The following ARHGDIB variants were observed in gnomAD, a reference collection of about 807,000 sequenced individuals.
ARHGDIB encodes the protein rho GDP-dissociation inhibitor 2.
ARHGDIB carries 20 observed loss-of-function variants against 22.6 expected under a neutral mutation model. The ratio of observed to expected loss-of-function variants is 0.88; its 90% CI spans 0.62 to 1.28. The LOEUF (loss-of-function observed/expected upper bound fraction) is 1.28, where lower values mean the gene tolerates loss of function less well. ARHGDIB is among the 50% of genes most tolerant of loss of function. The pLI is 0.00. For synonymous variants in ARHGDIB, 114 were observed against 96.1 expected (o/e 1.19, Z -1.09); for missense variants, 254 against 245.4 (o/e 1.04, Z -0.23).
chr12:14,943,189 A>C (rs1194722279), intron 5 of ARHGDIB, among the ~76,000 whole-genome samples: 1 of 152,138 alleles, frequency 6.6e-6, no homozygotes, highest in Non-Finnish European at 1.5e-5. Context: ...TTTTAAAAAA[A>C]TTATTCTTTA....
At position 14,949,827 on chromosome 12, in the gene ARHGDIB, C is replaced by A. The variant is rs772715504; in HGVS notation, c.240G>T (p.Pro80=). Residue 80 remains proline (P), a synonymous_variant, in exon 3 of 6, where the codon CCG becomes CCT. Transcript: ENST00000228945. ...TRLTLVCESA[P]GPITMDLTGD... ...CAGTAAGGTCCATGGTGATTGGTCCCGGGGCACTCTCACAAACCAGGGTGA... is the reference window on the plus strand; with the variant it reads ...CAGTAAGGTCCATGGTGATTGGTCCAGGGGCACTCTCACAAACCAGGGTGA... 2 of 1,613,630 alleles carry A rather than the reference C, an allele frequency of 1.2e-6. No homozygotes were observed. Among genetic ancestry groups the A allele is most frequent in the East Asian group, 4.5e-5 (2 of 44,868 alleles).
chr12:14,954,705 A>G (rs969787372), intron 1 of ARHGDIB, among the ~76,000 whole-genome samples: 1 of 152,218 alleles, frequency 6.6e-6, no homozygotes, highest in East Asian at 1.9e-4. Flanking sequence ...ACCTGCAGTC[A>G]TGGGTCAGCT....
chr12:14,951,001 C>T (rs908086128), intron 1 of ARHGDIB: 24 of 238,134 alleles, frequency 1.0e-4, no homozygotes, highest in African/African-American at 4.1e-4. Context: ...ATGTGAATAA[C>T]GTACTACGAG....
At chr12:14,948,100 G>GCACGCACACA (rs1555103169) in intron 3 of ARHGDIB, 151 bp from the exon 4 acceptor site, 21 of 437,430 alleles carry the variant, frequency 4.8e-5, no homozygotes, top group Admixed American at 2.9e-4. Flanking sequence ...TTTAGTCCTT[G>GCACGCACACA]CACACACACA....
At chr12:14,949,666 A>T in intron 3 of ARHGDIB, 136 bp downstream of exon 3, 1 of 754,604 alleles carries the variant, frequency 1.3e-6, no homozygotes, top group South Asian at 1.5e-5. Flanking sequence ...CTCTAAGAGC[A>T]ATGATTTGTT....
rs757975041 is a variant in ARHGDIB at position 14,944,848 on chromosome 12, G to T, written c.343-9C>A. The stretch of plus-strand genomic sequence containing the variant: ...ACAATATCCCTGTTCACCTGCAGGT[G>T]GGAAGGAACCAAGATGTTCAGATTA... On this transcript the variant is annotated splice_polypyrimidine_tract_variant and intron_variant, in intron 4 of 5. Transcript: ENST00000228945. 4.3e-6 allele frequency: 7 copies of T among 1,612,376 alleles called. No individual in the cohort carries two copies. The Admixed American group carries it at 6.7e-5, about 15-fold the overall frequency.
Position 14,953,298 on chromosome 12 carries a change from T to C in ARHGDIB, c.-12-2574A>G, listed in dbSNP as rs557147439. 2.6e-5 allele frequency among the ~76,000 whole-genome samples: 4 copies of C among 152,276 alleles called. No homozygotes were observed. The East Asian group carries it at 7.7e-4, about 29-fold the overall frequency. On this transcript the variant is annotated intron_variant, in intron 1 of 5. Coordinates refer to ENST00000228945, the MANE Select transcript of ARHGDIB (RefSeq NM_001175.7). ...TTAATTATAGCATAAGAAAAAGAGA[T>C]ATGAGACCAGGTGATCCCAAACTAG...
At chr12:14,954,518 A>G (rs2430712) in intron 1 of ARHGDIB, among the ~76,000 whole-genome samples, 3,488 of 152,288 alleles carry the variant, frequency 0.023, 143 homozygotes, top group African/African-American at 0.079. Flanking sequence ...TCATTGAACT[A>G]GGCCTTGTTA....
chr12:14,960,052 G>A (rs1040460415), intron 1 of ARHGDIB, among the ~76,000 whole-genome samples: 1 of 152,194 alleles, frequency 6.6e-6, no homozygotes, highest in East Asian at 1.9e-4. Context: ...AGGTGCCATG[G>A]TCCTCTTGAT....
chr12:14,943,593 G>A (rs1175542716), intron 5 of ARHGDIB, among the ~76,000 whole-genome samples: 1 of 152,034 alleles, frequency 6.6e-6, no homozygotes, highest in Non-Finnish European at 1.5e-5. Context: ...ATATCAGTTG[G>A]GGGAGATAAA....
At position 14,950,582 on chromosome 12, in the gene ARHGDIB, C is replaced by T. The variant is rs1008601470; in HGVS notation, c.131G>A (p.Ser44Asn). The part of the protein sequence containing the change: ...ELQEMDKDDE[S>N]LIKYKKTLLG... ...CAGCGTTTTCTTGTACTTAATTAGA[C>T]TCTCATCATCTTTGTCCATTTCCTG... is the stretch of plus-strand genomic sequence containing the variant. The change falls in exon 2 of 6, where the codon AGT (serine) becomes AAT (asparagine). Residue 44 changes from serine (S) to asparagine (N), a missense_variant. Coordinates refer to ENST00000228945, the MANE Select transcript of ARHGDIB (RefSeq NM_001175.7). 15 of 1,613,966 alleles carry T rather than the reference C, an allele frequency of 9.3e-6. No homozygotes were observed. Among genetic ancestry groups the T allele is most frequent in the Non-Finnish European group, 1.3e-5 (15 of 1,179,914 alleles).
chr12:14,953,855 CTT>C (rs1864238310), intron 1 of ARHGDIB, among the ~76,000 whole-genome samples: 1 of 151,558 alleles, frequency 6.6e-6, no homozygotes, highest in Non-Finnish European at 1.5e-5. Flanking sequence ...CTTTCTCTCT[CTT>C]TCTCTCTTTC....
chr12:14,953,941 C>T (rs538634342), intron 1 of ARHGDIB, among the ~76,000 whole-genome samples: 1 of 147,868 alleles, frequency 6.8e-6, no homozygotes, highest in East Asian at 2.0e-4. Flanking sequence ...TTCCTTCCTT[C>T]CTTCCTTTCT....
At chr12:14,943,940 G>C (rs1052937405) in intron 5 of ARHGDIB, among the ~76,000 whole-genome samples, 1 of 152,196 alleles carries the variant, frequency 6.6e-6, no homozygotes, top group South Asian at 2.1e-4. Flanking sequence ...ACTAGGTATC[G>C]GAAAGGCCAA....
chr12:14,954,744 C>T (rs1864263220), intron 1 of ARHGDIB, among the ~76,000 whole-genome samples: 1 of 152,152 alleles, frequency 6.6e-6, no homozygotes, highest in Admixed American at 6.5e-5. Context: ...CTTATTTCAC[C>T]TGTGAATATG....
chr12:14,955,368 T>C (rs572042627), intron 1 of ARHGDIB, among the ~76,000 whole-genome samples: 1 of 152,330 alleles, frequency 6.6e-6, no homozygotes, highest in South Asian at 2.1e-4. Flanking sequence ...ATTCTAAAAA[T>C]GAGACATTCG....
chr12:14,952,598 G>A lies in ARHGDIB; in HGVS notation c.-12-1874C>T, dbSNP rs140094342. 6.6e-4 allele frequency among the ~76,000 whole-genome samples: 100 copies of A among 152,224 alleles called. 3 individuals are homozygous for A. The East Asian group carries it at 0.018, about 27-fold the overall frequency. On this transcript the variant is annotated intron_variant, in intron 1 of 5. Coordinates refer to ENST00000228945, the MANE Select transcript of ARHGDIB (RefSeq NM_001175.7). ...AACTGGTTGGAAAAAAATGAAGGAG[G>A]CAGCGTGTAGATGTTGTAGGTTGTG...
chr12:14,949,951 A>C, intron 2 of ARHGDIB, 66 bp from the exon 3 acceptor site: 12 of 1,338,374 alleles, frequency 9.0e-6, no homozygotes, highest in Non-Finnish European at 1.3e-5. Flanking sequence ...TGTGCATTTC[A>C]AGTGGGAGAC....
chr12:14,950,753 C>T, intron 1 of ARHGDIB, 29 bp from the exon 2 acceptor site: 2 of 1,551,120 alleles, frequency 1.3e-6, no homozygotes, highest in African/African-American at 1.4e-5. Context: ...GCCCGTTAGT[C>T]AACAAGTCAT....
Sources: allele counts gnomAD v4.1 joint callset (sites outside exome capture counted in the v4.1 genomes callset), GRCh38; gene constraint gnomAD v4.1.1; transcripts MANE v1.5; gene names NCBI Gene and HGNC (gene_info 2026-07-23, HGNC 2026-07-21).